MBP: variants seen among roughly 807,000 people sequenced by gnomAD.
The protein encoded by MBP is myelin basic protein, also known as Golli-MBP.
Under a neutral mutation model 35.8 loss-of-function variants are expected in MBP, and 16 were observed. The ratio of observed to expected loss-of-function variants is 0.45; its 90% CI spans 0.30 to 0.68. The LOEUF (loss-of-function observed/expected upper bound fraction) is 0.68, where lower values mean the gene tolerates loss of function less well. MBP is among the 30% of genes least tolerant of loss of function. MBP has a pLI of 0.08. For synonymous variants in MBP, 143 were observed against 159.6 expected, an observed-to-expected ratio of 0.90 and a Z score of 0.78; for missense variants, 380 against 404.7, an observed-to-expected ratio of 0.94 and a Z score of 0.52.
At chr18:77,034,911 A>G (rs1972694143) in intron 3 of MBP, among the ~76,000 whole-genome samples, 1 of 152,146 alleles carries the variant, frequency 6.6e-6, no homozygotes, top group Non-Finnish European at 1.5e-5. Flanking sequence ...GTGTTTCCTG[A>G]AGCCCGGGTG....
intron 3 of MBP, among the ~76,000 whole-genome samples, chr18:77,023,629 C>T (rs78899884): frequency 0.029 from 4,341 of 152,302 alleles, 85 homozygotes; most frequent in South Asian, 0.07. Context: ...TCCAAGGACA[C>T]ACTCCTCTCT....
chr18:77,106,220 AG>A (rs1215396038), intron 1 of MBP, among the ~76,000 whole-genome samples: 1 of 152,206 alleles, frequency 6.6e-6, no homozygotes, highest in East Asian at 1.9e-4. Flanking sequence ...ACGGGGAGAG[AG>A]GACTCTCCAA....
chr18:77,043,740 C>G (rs527511374), intron 3 of MBP, among the ~76,000 whole-genome samples: 29 of 152,244 alleles, frequency 1.9e-4, no homozygotes, highest in African/African-American at 6.7e-4. Context: ...GCTGTTGCGG[C>G]GTGGTGAGTA....
chr18:77,050,010 A>G (rs8084674), intron 3 of MBP, among the ~76,000 whole-genome samples: 30,822 of 152,112 alleles, frequency 0.2, 3,622 homozygotes, highest in South Asian at 0.32. Flanking sequence ...CCAAAACAAA[A>G]AGCACTTTTG....
intron 3 of MBP, among the ~76,000 whole-genome samples, chr18:77,061,122 GGC>G (rs138716908): frequency 0.049 from 7,469 of 152,258 alleles, 239 homozygotes; most frequent in Middle Eastern, 0.11. Context: ...GTCCTCTGAT[GGC>G]TAGACACAGG....
chr18:77,040,228 T>C (rs1166460625), intron 3 of MBP, among the ~76,000 whole-genome samples: 2 of 152,192 alleles, frequency 1.3e-5, no homozygotes, highest in Non-Finnish European at 2.9e-5. Context: ...TTAGAAAGAA[T>C]GGTCCATCCT....
At chr18:76,990,288 C>T (rs1969823053) in intron 4 of MBP, among the ~76,000 whole-genome samples, 1 of 151,770 alleles carries the variant, frequency 6.6e-6, no homozygotes, top group African/African-American at 2.4e-5. Context: ...AGATTTGTAG[C>T]AAAGCAGCAG....
rs190933333 is a variant in MBP, at chr18:76,995,267, A to C, written c.577-5207T>G. Among the ~76,000 whole-genome samples the C allele has an allele frequency of 2.0e-3, 300 of 152,356 alleles. 1 individual carries two copies. Among genetic ancestry groups the C allele is most frequent in the African/African-American group, 7.0e-3 (291 of 41,584 alleles). On this transcript the variant is annotated intron_variant, in intron 4 of 8. Coordinates refer to ENST00000355994, the MANE Select transcript of MBP (RefSeq NM_001025101.2). The stretch of plus-strand genomic sequence containing the variant: ...AGTAAAACTGTTGATTCTTTCCCCA[A>C]ATCGATCTACAGGTTTAATGAAATT...
At position 76,989,848 on chromosome 18, in the gene MBP, C is replaced by T. The variant is rs1969790540; in HGVS notation, c.681+108G>A. 4 of 943,916 alleles carry T rather than the reference C, an allele frequency of 4.2e-6. No homozygotes were observed. Among genetic ancestry groups the T allele is most frequent in the Admixed American group, 4.0e-5 (2 of 49,930 alleles). The allele number at this position is 943,916 out of a possible 1,614,324, so 58.5% of individuals were successfully genotyped here. Reference sequence around the variant, plus strand: ...CCGGCCGGCCTCACCCTGATGATGACCCCGGTGCCACCCCCGAGCGTACGA... The same window carrying T: ...CCGGCCGGCCTCACCCTGATGATGATCCCGGTGCCACCCCCGAGCGTACGA... On this transcript the variant is annotated intron_variant, in intron 5 of 8. Coordinates refer to ENST00000355994, the MANE Select transcript of MBP (RefSeq NM_001025101.2). This position sits in a 1 kb window ranked among gnomAD's most constrained non-coding sequence, Gnocchi z 4.0.
rs1599099550 is a variant in MBP, at chr18:77,028,565, G to A, written c.140-11297C>T. ...GGGCTCCTCACTTCCCAGTAGGGGC[G>A]GCCGGGCAGAGGCGCCCCTCACCTC... On this transcript the variant is annotated intron_variant, in intron 3 of 8. Transcript: ENST00000355994. Among the ~76,000 whole-genome samples the A allele has an allele frequency of 6.6e-5, 6 of 91,004 alleles. No homozygotes were observed. The South Asian group carries it at 1.2e-3, about 18-fold the overall frequency. The allele number at this position is 91,004 out of a possible 152,430, so 59.7% of individuals were successfully genotyped here.
intron 3 of MBP, among the ~76,000 whole-genome samples, chr18:77,024,945 C>G (rs1972143503): frequency 6.6e-6 from 1 of 152,218 alleles, no homozygotes; most frequent in South Asian, 2.1e-4. Context: ...ACAAACGCTG[C>G]CTTCCACCCA....
Position 77,013,922 on chromosome 18 carries a change from C to T in MBP, c.576+2910G>A, listed in dbSNP as rs147599766. The T allele has an allele frequency of 4.2e-4, 414 of 985,398 alleles. 1 individual carries two copies. Among genetic ancestry groups the T allele is most frequent in the South Asian group, 8.9e-4 (19 of 21,276 alleles). 61.0% of individuals were successfully genotyped at this position (985,398 alleles called of 1,614,324 possible). ...GCTCTGCCTCGTGACACTCAAGTGGCCTCAGATATGAGCACTGGCACAGAG... is the reference window on the plus strand; with the variant it reads ...GCTCTGCCTCGTGACACTCAAGTGGTCTCAGATATGAGCACTGGCACAGAG... On this transcript the variant is annotated intron_variant, in intron 4 of 8. Coordinates refer to ENST00000355994, the MANE Select transcript of MBP (RefSeq NM_001025101.2).
chr18:76,996,637 G>A (rs970220035), intron 4 of MBP, among the ~76,000 whole-genome samples: 3 of 152,074 alleles, frequency 2.0e-5, no homozygotes, highest in African/African-American at 7.2e-5. Flanking sequence ...TTCATACTGT[G>A]TGGTCTTATT....
Position 77,017,322 on chromosome 18 carries a change from CA to C in MBP, c.140-55del. 4.8e-6 allele frequency: 7 copies of C among 1,451,860 alleles called. No homozygotes were observed. In the South Asian group the frequency reaches 1.1e-4, roughly 23 times the overall value. The allele number at this position is 1,451,860 out of a possible 1,614,324, so 89.9% of individuals were successfully genotyped here. A position where few individuals can be genotyped will look rare whatever the true frequency, so the allele number is the denominator to read the frequency against. ...GGCCTGTGCAAAGCTGAGCACCGGA[CA>C]AAGCAGCTTTCTCTGAGGGGTCTTG... On this transcript the variant is annotated intron_variant, in intron 3 of 8. Transcript: ENST00000355994.
chr18:77,093,674 A>G (rs953056185), intron 2 of MBP, among the ~76,000 whole-genome samples: 1 of 152,312 alleles, frequency 6.6e-6, no homozygotes, highest in East Asian at 1.9e-4. Context: ...AGAGGCTGCT[A>G]TCAAGGGTGA....
chr18:76,984,242 TC>T (rs1207120162), intron 8 of MBP: 1 of 154,228 alleles, frequency 6.5e-6, no homozygotes, highest in African/African-American at 2.4e-5. Context: ...GCGGGTTACC[TC>T]CATTTTACAG....
At chr18:77,075,626 T>C (rs543879075) in intron 2 of MBP, among the ~76,000 whole-genome samples, 1 of 152,256 alleles carries the variant, frequency 6.6e-6, no homozygotes, top group African/African-American at 2.4e-5. Flanking sequence ...CATGATGATG[T>C]TTTGCTTAGG....
chr18:77,126,557 A>T (rs1480978464), intron 1 of MBP, among the ~76,000 whole-genome samples: 1 of 152,230 alleles, frequency 6.6e-6, no homozygotes, highest in Non-Finnish European at 1.5e-5. Flanking sequence ...AAGAAAAAGA[A>T]ATAAAAAGTA....
intron 2 of MBP, chr18:77,087,504 G>A (rs1373152175): frequency 6.6e-6 from 1 of 152,290 alleles, no homozygotes; most frequent in Admixed American, 6.5e-5. Context: ...GGCGCGGCCG[G>A]AGCCAAAGCG....
Sources: gnomAD v4.1 joint callset for allele counts (sites outside exome capture counted in the v4.1 genomes callset) on GRCh38, gnomAD v4.1.1 for gene constraint, Gnocchi (gnomAD v3.1) non-coding constraint, MANE v1.5 for transcripts, NCBI Gene and HGNC (gene_info 2026-07-23, HGNC 2026-07-21) for gene names.